Variants in CACNA2D3 observed in about 807,000 individuals in gnomAD.
The protein encoded by CACNA2D3 is calcium voltage-gated channel auxiliary subunit alpha2delta 3.
In CACNA2D3, 60 loss-of-function variants were observed where a neutral mutation model predicts 160.6. That is an observed-to-expected ratio of 0.37 (90% CI 0.30 to 0.46). The LOEUF is 0.46. Among genes scored for constraint, CACNA2D3 ranks in the 20% least tolerant of loss-of-function variants. The probability of loss-of-function intolerance (pLI) is 1.00; values close to 1 mark genes in which losing one functional copy is unlikely to be tolerated. For synonymous variants in CACNA2D3, 558 were observed against 492.9 expected (o/e 1.13, Z -1.75); for missense variants, 1,205 against 1,365.0 (o/e 0.88, Z 1.85).
intron 2 of CACNA2D3, among the ~76,000 whole-genome samples, chr3:54,161,026 G>T (rs1373686232): frequency 4.6e-5 from 7 of 152,196 alleles, no homozygotes; most frequent in Non-Finnish European, 1.0e-4. Flanking sequence ...GGATGCCATT[G>T]AAAGGGGAGC....
At chr3:54,928,782 G>A (rs534493495) in intron 27 of CACNA2D3, among the ~76,000 whole-genome samples, 17 of 149,608 alleles carry the variant, frequency 1.1e-4, no homozygotes, top group East Asian at 4.0e-4. Context: ...ATCTTTCTTC[G>A]TTTCCCTGAT....
Position 54,622,847 on chromosome 3 carries a change from G to GT in CACNA2D3, c.964-4939dup, listed in dbSNP as rs1462793247. ...TCACAAATCCTCCGTGCCATGGGTC[G>GT]TCAAAGCACTGGCTGTTAAAGCCTC... On this transcript the variant is annotated intron_variant, in intron 9 of 37. Coordinates refer to ENST00000474759, the MANE Select transcript of CACNA2D3 (RefSeq NM_018398.3). 3.3e-5 allele frequency among the ~76,000 whole-genome samples: 5 copies of GT among 152,258 alleles called. No individual in the cohort carries two copies. In the East Asian group the frequency reaches 9.6e-4, roughly 29 times the overall value.
chr3:54,755,524 CCTT>C (rs1423406956), intron 12 of CACNA2D3, among the ~76,000 whole-genome samples: 1 of 152,150 alleles, frequency 6.6e-6, no homozygotes, highest in Non-Finnish European at 1.5e-5. Flanking sequence ...TAAAATAACA[CCTT>C]CTGCAATTGT....
chr3:54,814,250 T>C (rs1049055698), intron 13 of CACNA2D3, among the ~76,000 whole-genome samples: 1 of 152,202 alleles, frequency 6.6e-6, no homozygotes, highest in African/African-American at 2.4e-5. Flanking sequence ...CCGTTGCTAA[T>C]TAGTTAGAGC....
At position 54,446,963 on chromosome 3, in the gene CACNA2D3, G is replaced by A. The variant is rs529588255; in HGVS notation, c.382-56529G>A. 2.0e-5 allele frequency among the ~76,000 whole-genome samples: 3 copies of A among 152,296 alleles called. No homozygotes were observed. The South Asian group carries it at 6.2e-4, about 32-fold the overall frequency. ...TGTGCATCCTTCAAGGTGGGATCCC[G>A]GAGGCGGGTATCCTAGAAGGAGCGT... On this transcript the variant is annotated intron_variant, in intron 4 of 37. Transcript: ENST00000474759.
At position 54,699,527 on chromosome 3, in the gene CACNA2D3, C is replaced by A. The variant is rs538835070; in HGVS notation, c.1168-53072C>A. Among the ~76,000 whole-genome samples the A allele has an allele frequency of 4.8e-4, 73 of 152,274 alleles. No individual in the cohort carries two copies. In the South Asian group the frequency reaches 0.015, roughly 31 times the overall value. On this transcript the variant is annotated intron_variant, in intron 11 of 37. Transcript: ENST00000474759. ...TCCCTGTGACAATGTATGTCTCACT[C>A]TTAGTTTTACGTCCTGCTGCCTTGT...
At chr3:54,539,827 A>G (rs1701944042) in intron 5 of CACNA2D3, among the ~76,000 whole-genome samples, 1 of 152,220 alleles carries the variant, frequency 6.6e-6, no homozygotes, top group African/African-American at 2.4e-5. Context: ...GATGTGTCAG[A>G]AAGTATTCTC....
At chr3:54,885,021 G>C (rs1171900030) in intron 21 of CACNA2D3, among the ~76,000 whole-genome samples, 1 of 152,154 alleles carries the variant, frequency 6.6e-6, no homozygotes, top group Non-Finnish European at 1.5e-5. Flanking sequence ...CTATCTTCAA[G>C]GGGTTAAGGT....
chr3:54,547,952 C>A (rs914555687), intron 5 of CACNA2D3, among the ~76,000 whole-genome samples: 1 of 152,200 alleles, frequency 6.6e-6, no homozygotes, highest in African/African-American at 2.4e-5. Flanking sequence ...CCTTGACCTT[C>A]CAAAGCACTC....
At chr3:54,984,720 TG>T in intron 30 of CACNA2D3, 50 bp downstream of exon 30, 1 of 1,172,180 alleles carries the variant, frequency 8.5e-7, no homozygotes. Context: ...AGAATGTGCT[TG>T]GGTCAGGGGG....
At chr3:55,030,809 G>A (rs1290639174) in intron 35 of CACNA2D3, among the ~76,000 whole-genome samples, 1 of 152,168 alleles carries the variant, frequency 6.6e-6, no homozygotes, top group Non-Finnish European at 1.5e-5. Context: ...TTGTTGTGTA[G>A]GTGTTGCTAT....
intron 27 of CACNA2D3, among the ~76,000 whole-genome samples, chr3:54,934,458 AG>A (rs1239902673): frequency 6.6e-6 from 1 of 152,162 alleles, no homozygotes; most frequent in Non-Finnish European, 1.5e-5. Flanking sequence ...AGGAATGCCT[AG>A]GATTATTCCG....
chr3:54,298,444 A>G (rs888988212), intron 2 of CACNA2D3, among the ~76,000 whole-genome samples: 2 of 152,228 alleles, frequency 1.3e-5, no homozygotes, highest in African/African-American at 4.8e-5. Flanking sequence ...CCGACAGACG[A>G]GAGTTATTAG....
At chr3:54,480,215 T>C (rs1195790362) in intron 4 of CACNA2D3, among the ~76,000 whole-genome samples, 1 of 152,158 alleles carries the variant, frequency 6.6e-6, no homozygotes, top group East Asian at 1.9e-4. Context: ...TCCTCCTGAA[T>C]GCTAAAGGTG....
chr3:54,451,898 C>G (rs903789453), intron 4 of CACNA2D3, among the ~76,000 whole-genome samples: 3 of 152,190 alleles, frequency 2.0e-5, no homozygotes, highest in Non-Finnish European at 4.4e-5. Flanking sequence ...TTATACCACT[C>G]TGTATCTCAA....
At chr3:54,531,170 C>G (rs889882425) in intron 5 of CACNA2D3, among the ~76,000 whole-genome samples, 8 of 152,222 alleles carry the variant, frequency 5.3e-5, no homozygotes, top group African/African-American at 1.7e-4. Flanking sequence ...CTGACATGCT[C>G]TAGCAATTTG....
intron 11 of CACNA2D3, among the ~76,000 whole-genome samples, chr3:54,742,859 G>A (rs944754891): frequency 6.6e-6 from 1 of 152,076 alleles, no homozygotes; most frequent in Non-Finnish European, 1.5e-5. Context: ...CTTTTTTCTG[G>A]TCCCTGACTA....
At chr3:54,972,789 G>A (rs1359372655) in intron 29 of CACNA2D3, among the ~76,000 whole-genome samples, 1 of 152,186 alleles carries the variant, frequency 6.6e-6, no homozygotes, top group Non-Finnish European at 1.5e-5. Flanking sequence ...TGAGGGCCTG[G>A]CCATGGGGCT....
chr3:54,631,268 G>C (rs1046682323), intron 10 of CACNA2D3, among the ~76,000 whole-genome samples: 1 of 151,100 alleles, frequency 6.6e-6, no homozygotes, highest in East Asian at 1.9e-4. Flanking sequence ...CCCAGCTTGA[G>C]ATTGGTTGGC....
Sources: gnomAD v4.1 joint callset for allele counts (sites outside exome capture counted in the v4.1 genomes callset) on GRCh38, gnomAD v4.1.1 for gene constraint, MANE v1.5 for transcripts, NCBI Gene and HGNC (gene_info 2026-07-23, HGNC 2026-07-21) for gene names.